Variants in CSN1S1 observed in about 807,000 individuals in gnomAD.
CSN1S1 encodes casein alpha s1, also known as alpha-S1-casein.
In CSN1S1, 63 loss-of-function variants were observed where a neutral mutation model predicts 49.1. The ratio of observed to expected loss-of-function variants is 1.28; its 90% CI spans 1.05 to 1.58. CSN1S1 has a LOEUF of 1.58. CSN1S1 is among the 40% of genes most tolerant of loss of function. The probability of loss-of-function intolerance (pLI) is 0.00; values close to 1 mark genes in which losing one functional copy is unlikely to be tolerated. For missense variants in CSN1S1, 260 were observed against 224.7 expected, an observed-to-expected ratio of 1.16 and a Z score of -1.01; for synonymous variants, 78 against 67.1, an observed-to-expected ratio of 1.16 and a Z score of -0.79.
chr4:69,936,988 C>T (rs1722807157), intron 7 of CSN1S1, 133 bp from the exon 8 acceptor site: 2 of 697,106 alleles, frequency 2.9e-6, no homozygotes, highest in Admixed American at 6.6e-5. Flanking sequence ...TTAACCATAA[C>T]ATCTTTGATT....
intron 12 of CSN1S1, among the ~76,000 whole-genome samples, 173 bp from the exon 13 acceptor site, chr4:69,941,873 A>T (rs1225768927): frequency 6.6e-6 from 1 of 151,776 alleles, no homozygotes; most frequent in Non-Finnish European, 1.5e-5. Flanking sequence ...CTAGTCTGTA[A>T]CCTCCACAAC....
chr4:69,933,100 G>A (rs114587164), intron 2 of CSN1S1, among the ~76,000 whole-genome samples: 2,265 of 151,736 alleles, frequency 0.015, 57 homozygotes, highest in African/African-American at 0.053. Flanking sequence ...CCCCCAAGAA[G>A]GGATAGAAAA....
chr4:69,932,015 A>G (rs2109710004), intron 1 of CSN1S1, among the ~76,000 whole-genome samples: 1 of 152,056 alleles, frequency 6.6e-6, no homozygotes, highest in South Asian at 2.1e-4. Flanking sequence ...AATAGCTTTT[A>G]CATAACGTGC....
chr4:69,936,026 T>C, intron 5 of CSN1S1, 77 bp downstream of exon 5: 1 of 1,103,770 alleles, frequency 9.1e-7, no homozygotes, highest in Admixed American at 2.7e-5. Flanking sequence ...CTCAGAACAG[T>C]GCCTAAAACA....
At position 69,944,495 on chromosome 4, in the gene CSN1S1, A is replaced by T. The variant is rs189666387; in HGVS notation, c.403-355A>T. 3.9e-4 allele frequency among the ~76,000 whole-genome samples: 60 copies of T among 152,060 alleles called. 1 individual carries two copies. In the East Asian group the frequency reaches 0.01, roughly 26 times the overall value. ...AAAATTATATATCTAAATGGCAAAA[A>T]TTCCCTTGAGTTTATAACGTAAATA... On this transcript the variant is annotated intron_variant, in intron 14 of 15. Transcript: ENST00000246891.
chr4:69,934,166 A>T (rs1578131535), intron 2 of CSN1S1, 46 bp from the exon 3 acceptor site: 1 of 1,455,566 alleles, frequency 6.9e-7, no homozygotes. Context: ...TGTTATTGTC[A>T]TTTTAGTTAC....
At chr4:69,933,432 C>T (rs903981136) in intron 2 of CSN1S1, among the ~76,000 whole-genome samples, 1 of 151,924 alleles carries the variant, frequency 6.6e-6, no homozygotes, top group Admixed American at 6.6e-5. Context: ...CAGACTTGTT[C>T]TCTAAATTCT....
At chr4:69,941,099 C>T (rs1578136235) in intron 12 of CSN1S1, 39 bp downstream of exon 12, 1 of 1,001,934 alleles carries the variant, frequency 1.0e-6, no homozygotes, top group East Asian at 2.9e-5. Context: ...TCATATTCTA[C>T]TATAGAATTA....
intron 11 of CSN1S1, among the ~76,000 whole-genome samples, chr4:69,940,561 T>A (rs1042499156): frequency 2.6e-5 from 4 of 151,742 alleles, no homozygotes; most frequent in African/African-American, 7.2e-5. Flanking sequence ...AAAATGGCAA[T>A]AATAATAAAT....
chr4:69,944,072 C>T (rs1578138278), intron 14 of CSN1S1, among the ~76,000 whole-genome samples: 1 of 151,866 alleles, frequency 6.6e-6, no homozygotes, highest in East Asian at 1.9e-4. Flanking sequence ...AGGTAGTTAC[C>T]TTATTTTATC....
rs372612450 is a variant in CSN1S1, at chr4:69,942,545, C to T, written c.370C>T (p.Arg124Cys). ...GTTTCCTTTTATGCAGGAGCAAATT[C>T]GCAGAATGAATGAAAACAGCCATGT... ...LQAAHAQEQI[R>C]RMNENSHVQV... Residue 124 changes from arginine (R) to cysteine (C), a missense_variant, in exon 14 of 16, where the codon CGC becomes TGC. By Grantham distance (180) the Arg-to-Cys change is radical. Coordinates refer to ENST00000246891, the MANE Select transcript of CSN1S1 (RefSeq NM_001890.2). 4.0e-5 allele frequency: 64 copies of T among 1,586,548 alleles called. No individual in the cohort carries two copies. Among genetic ancestry groups the T allele is most frequent in the Non-Finnish European group, 4.8e-5 (56 of 1,164,864 alleles).
intron 5 of CSN1S1, 32 bp downstream of exon 5, chr4:69,935,981 A>AT: frequency 6.7e-7 from 1 of 1,502,674 alleles, no homozygotes; most frequent in Non-Finnish European, 9.1e-7. Context: ...TTACCGTGCA[A>AT]TTAACAAAGA....
chr4:69,936,525 C>T (rs1197406214), intron 6 of CSN1S1, 41 bp from the exon 7 acceptor site: 2 of 1,600,256 alleles, frequency 1.2e-6, no homozygotes, highest in Non-Finnish European at 1.7e-6. Context: ...AGTTTGTTTT[C>T]ATGAAAACAT....
At chr4:69,940,172 G>A in intron 11 of CSN1S1, 128 bp downstream of exon 11, 1 of 424,666 alleles carries the variant, frequency 2.4e-6, no homozygotes, top group Non-Finnish European at 4.1e-6. Context: ...CTATACCAAT[G>A]CCATCTGGAA....
chr4:69,941,553 TGGGA>T (rs1722967704), intron 12 of CSN1S1, among the ~76,000 whole-genome samples: 2 of 152,002 alleles, frequency 1.3e-5, no homozygotes, highest in South Asian at 4.1e-4. Flanking sequence ...GTCTTTCTTT[TGGGA>T]GGACAATAAA....
intron 14 of CSN1S1, among the ~76,000 whole-genome samples, chr4:69,944,148 T>G (rs1356540620): frequency 1.3e-5 from 2 of 152,048 alleles, no homozygotes; most frequent in Non-Finnish European, 2.9e-5. Context: ...AGCAACATTT[T>G]AAATGCTTTT....
Position 69,935,942 on chromosome 4 carries a change from C to A in CSN1S1, c.122C>A (p.Ser41Ter). 1 of 1,535,874 alleles carries A rather than the reference C, an allele frequency of 6.5e-7. No homozygotes were observed. Among genetic ancestry groups the A allele is most frequent in the Non-Finnish European group, 8.8e-7 (1 of 1,134,398 alleles). ...SESSEPIPLE[S>*]REEYMNGMNR... ...TTTTTGTAGCCTATACCATTAGAAT[C>A]AAGAGAGGTAAGAATGACTCCACAG... is the stretch of plus-strand genomic sequence containing the variant. The change falls in exon 5 of 16, where the codon TCA becomes TAA. Residue 41 changes from serine (S) to a stop codon, truncating the protein, a stop_gained. Transcript: ENST00000246891. LOFTEE classifies it high-confidence loss of function.
At chr4:69,932,748 T>C in intron 2 of CSN1S1, 142 bp downstream of exon 2, 1 of 715,352 alleles carries the variant, frequency 1.4e-6, no homozygotes, top group South Asian at 1.6e-5. Flanking sequence ...ACAATAGAAA[T>C]GCAGTAATGC....
chr4:69,936,721 C>A (rs1722800454), intron 7 of CSN1S1, 114 bp downstream of exon 7: 2 of 911,590 alleles, frequency 2.2e-6, no homozygotes, highest in Non-Finnish European at 3.3e-6. Context: ...TTTCCTTGAA[C>A]TTTTCACTCA....
Sources: gnomAD v4.1 joint callset for allele counts (sites outside exome capture counted in the v4.1 genomes callset) on GRCh38, gnomAD v4.1.1 for gene constraint, MANE v1.5 for transcripts, NCBI Gene and HGNC (gene_info 2026-07-23, HGNC 2026-07-21) for gene names.